The following ERG variants were observed in gnomAD, a reference collection of about 807,000 sequenced individuals.
The protein encoded by ERG is transcriptional regulator ERG.
In ERG, 9 loss-of-function variants were observed where a neutral mutation model predicts 55.3. That is an observed-to-expected ratio of 0.16 (90% CI 0.10 to 0.28). The LOEUF (loss-of-function observed/expected upper bound fraction) is 0.28, where lower values mean the gene tolerates loss of function less well. Among genes scored for constraint, ERG ranks in the 10% least tolerant of loss-of-function variants. The pLI is 1.00. For missense variants in ERG, 434 were observed against 631.6 expected, an observed-to-expected ratio of 0.69 and a Z score of 3.35; for synonymous variants, 223 against 237.3, an observed-to-expected ratio of 0.94 and a Z score of 0.55.
intron 1 of ERG, among the ~76,000 whole-genome samples, chr21:38,480,602 T>TTTTTTG: frequency 7.0e-6 from 1 of 143,700 alleles, no homozygotes; most frequent in South Asian, 2.3e-4. Context: ...TTTTTTTTTT[T>TTTTTTG]TTTTTTTTTT....
At chr21:38,370,863 A>T in the ERG span, among the ~76,000 whole-genome samples, 1 of 151,942 alleles carries the variant, frequency 6.6e-6, no homozygotes, top group Non-Finnish European at 1.5e-5. Context: ...AACACAACAC[A>T]TGTGCTGTGC....
At chr21:38,514,708 T>G (rs2059538771) in intron 2 of ERG, among the ~76,000 whole-genome samples, 1 of 151,984 alleles carries the variant, frequency 6.6e-6, no homozygotes. Flanking sequence ...GCCCCACATA[T>G]TACCGCATTT....
At chr21:38,472,421 A>G (rs986179212) in intron 1 of ERG, among the ~76,000 whole-genome samples, 5 of 152,180 alleles carry the variant, frequency 3.3e-5, no homozygotes, top group Admixed American at 6.5e-5. Context: ...GCCACTCCAC[A>G]TAGTATACGG....
chr21:38,418,352 T>C (rs371627861), intron 3 of ERG, among the ~76,000 whole-genome samples: 1 of 150,624 alleles, frequency 6.6e-6, no homozygotes, highest in East Asian at 2.0e-4. Flanking sequence ...AGTGGTGCAA[T>C]CATGGTTCAC....
intron 2 of ERG, among the ~76,000 whole-genome samples, chr21:38,566,876 T>C (rs1024942877): frequency 1.3e-5 from 2 of 152,250 alleles, no homozygotes; most frequent in African/African-American, 2.4e-5. Context: ...AAGCTTTAGA[T>C]ACCAGGAATC....
At chr21:38,595,156 C>T (rs1339821482) in intron 1 of ERG, among the ~76,000 whole-genome samples, 2 of 152,028 alleles carry the variant, frequency 1.3e-5, no homozygotes, top group East Asian at 3.9e-4. Context: ...GAAGTCCGAA[C>T]CTTGTTGTGA....
At chr21:38,661,433 G>A (rs1277825040) in intron 1 of ERG, among the ~76,000 whole-genome samples, 2 of 152,174 alleles carry the variant, frequency 1.3e-5, no homozygotes, top group African/African-American at 4.8e-5. Context: ...TCGTGGGGAG[G>A]AGCCGGATAC....
At chr21:38,566,199 G>A (rs2146844606) in intron 2 of ERG, among the ~76,000 whole-genome samples, 1 of 152,204 alleles carries the variant, frequency 6.6e-6, no homozygotes, top group South Asian at 2.1e-4. Flanking sequence ...AGACACAGAA[G>A]GAAAAGAAGG....
intron 8 of ERG, among the ~76,000 whole-genome samples, chr21:38,391,388 A>T (rs1220891449): frequency 6.6e-6 from 1 of 152,176 alleles, no homozygotes; most frequent in Admixed American, 6.5e-5. Context: ...ATGGAAAGTA[A>T]AATCTAAAAA....
rs139918043 is a variant in ERG at position 38,515,048 on chromosome 21, T to C, written c.-41+60614A>G. 5.7e-3 allele frequency among the ~76,000 whole-genome samples: 860 copies of C among 152,078 alleles called. 7 individuals are homozygous for C. The highest frequency in any genetic ancestry group is 9.4e-3 in the Non-Finnish European group (635 of 67,848). ...TCTAACATAATACGTGCAGAACCTC[T>C]ACACCAAAAACTACAAAATATTATT... On this transcript the variant is annotated intron_variant, in intron 2 of 8. Transcript: ENST00000398897.
At chr21:38,555,673 A>C (rs924521073) in intron 2 of ERG, among the ~76,000 whole-genome samples, 2 of 152,226 alleles carry the variant, frequency 1.3e-5, no homozygotes, top group African/African-American at 2.4e-5. Flanking sequence ...CACATGGAAA[A>C]ATGGACTAAG....
Position 38,592,288 on chromosome 21 carries a change from C to G in ERG, c.-149-7343G>C, listed in dbSNP as rs530051459. On this transcript the variant is annotated intron_variant, in intron 1 of 10. Coordinates refer to the ERG transcript ENST00000398910. Reference sequence around the variant, plus strand: ...GCCGGCTCTAGCGAGTTGGGAGGAGCCAGCTCTAGCACACATGGGCTCCAG... The same window carrying G: ...GCCGGCTCTAGCGAGTTGGGAGGAGGCAGCTCTAGCACACATGGGCTCCAG... 5.3e-5 allele frequency among the ~76,000 whole-genome samples: 8 copies of G among 152,278 alleles called. No individual in the cohort carries two copies. The East Asian group carries it at 1.5e-3, about 29-fold the overall frequency.
chr21:38,653,647 T>C (rs2060501262), intron 1 of ERG, among the ~76,000 whole-genome samples: 1 of 152,174 alleles, frequency 6.6e-6, no homozygotes. Context: ...ATGCCACTAA[T>C]TGCTGCAGTC....
rs537203388 is a variant in ERG, at chr21:38,414,556, T to C, written c.388+8854A>G. ...GTACTGTTTAAGCATGTCACACATA[T>C]TGCTATATTTAATCCATATAGCACC... On this transcript the variant is annotated intron_variant, in intron 3 of 9. Transcript: ENST00000288319. 8.0e-4 allele frequency among the ~76,000 whole-genome samples: 122 copies of C among 152,352 alleles called. 6 individuals carry two copies. In the South Asian group the frequency reaches 0.022, roughly 28 times the overall value.
intron 1 of ERG, among the ~76,000 whole-genome samples, chr21:38,648,230 C>A (rs893814511): frequency 2.6e-5 from 4 of 152,174 alleles, no homozygotes; most frequent in African/African-American, 9.7e-5. Flanking sequence ...ATTTCCATTT[C>A]TTCCTTAATC....
At position 38,391,705 on chromosome 21, in the gene ERG, T is replaced by C. The variant is rs757033802; in HGVS notation, c.825A>G (p.Pro275=). The change falls in exon 8 of 10, where the codon CCA becomes CCG. Residue 275 remains proline, a synonymous_variant. Transcript: ENST00000288319. The part of the protein sequence containing the change: ...HPTPQSKAAQ[P]SPSTVPKTED... The stretch of plus-strand genomic sequence containing the variant: ...CAGTTTTGGGCACTGTGGAAGGAGA[T>C]GGTTGAGCAGCTGAAAATCCAGAAA... 36 of 1,613,734 alleles carry C rather than the reference T, an allele frequency of 2.2e-5. No homozygotes were observed. In the Admixed American group the frequency reaches 5.8e-4, roughly 26 times the overall value.
chr21:38,536,567 T>C lies in ERG; in HGVS notation c.-41+39095A>G, dbSNP rs113719336. Among the ~76,000 whole-genome samples the C allele has an allele frequency of 6.1e-3, 935 of 152,226 alleles. 16 individuals carry two copies. Among genetic ancestry groups the C allele is most frequent in the African/African-American group, 0.021 (859 of 41,540 alleles). ...GCACAGCTGTATCCACCACTAAACT[T>C]AGAGGCAACAGACCATGGTTTTGAA... On this transcript the variant is annotated intron_variant, in intron 2 of 8. Transcript: ENST00000398897.
At chr21:38,439,663 G>C (rs1206527307) in intron 2 of ERG, among the ~76,000 whole-genome samples, 1 of 152,230 alleles carries the variant, frequency 6.6e-6, no homozygotes, top group Non-Finnish European at 1.5e-5. Flanking sequence ...TGATCTGGCA[G>C]TGGCCAAGCC....
intron 2 of ERG, among the ~76,000 whole-genome samples, chr21:38,443,979 C>T (rs1194017055): frequency 1.3e-5 from 2 of 152,184 alleles, no homozygotes; most frequent in South Asian, 2.1e-4. Flanking sequence ...AGCAGATGCA[C>T]AGACGCAAAC....
Sources: allele counts gnomAD v4.1 joint callset (sites outside exome capture counted in the v4.1 genomes callset), GRCh38; gene constraint gnomAD v4.1.1; transcripts MANE v1.5; gene names NCBI Gene and HGNC (gene_info 2026-07-23, HGNC 2026-07-21).